PBRM1: variants seen among roughly 807,000 people sequenced by gnomAD.
PBRM1 encodes polybromo 1.
A neutral mutation model predicts 194.5 loss-of-function variants in PBRM1; 27 were observed. That is an observed-to-expected ratio of 0.14 (90% confidence interval 0.10 to 0.19). PBRM1 has a LOEUF of 0.19. PBRM1 is among the 10% of genes least tolerant of loss of function. The pLI is 1.00. For synonymous variants in PBRM1, 655 were observed against 693.2 expected, an observed-to-expected ratio of 0.94 and a Z score of 0.87; for missense variants, 1,466 against 2,077.2, an observed-to-expected ratio of 0.71 and a Z score of 5.72.
In PBRM1 at chr3:52,678,564, G is replaced by A. The variant is rs2154058091; in HGVS notation, c.172C>T (p.Arg58Ter). Residue 58 changes from arginine to a stop codon, truncating the protein, a stop_gained, in exon 2 of 30, where the codon CGA becomes TGA. Transcript: ENST00000296302. LOFTEE classifies it high-confidence loss of function. ...CTGCCCTGTTCATCCTTATAGTCTC[G>A]GATGGTATTATAGAGTTCATGGCAC... The A allele has an allele frequency of 6.2e-7, 1 of 1,613,122 alleles. No homozygotes were observed. The highest frequency in any genetic ancestry group is 8.5e-7 in the Non-Finnish European group (1 of 1,179,320).
At chr3:52,627,608 A>G (rs1286428410) in intron 12 of PBRM1, among the ~76,000 whole-genome samples, 1 of 152,202 alleles carries the variant, frequency 6.6e-6, no homozygotes, top group East Asian at 1.9e-4. Context: ...CCAGCAGAGC[A>G]TTTATGACTA....
intron 2 of PBRM1, 102 bp downstream of exon 3, chr3:52,678,398 T>G: frequency 1.4e-6 from 1 of 712,522 alleles, no homozygotes. Flanking sequence ...CAGTATCATT[T>G]AAGCCATTCC....
intron 11 of PBRM1, among the ~76,000 whole-genome samples, chr3:52,630,864 A>G (rs537545437): frequency 1.3e-5 from 2 of 152,354 alleles, no homozygotes; most frequent in South Asian, 4.1e-4. Context: ...TGAGCTGGCT[A>G]AGAATTTGTC....
chr3:52,614,516 C>T (rs776316701), intron 15 of PBRM1, among the ~76,000 whole-genome samples: 13 of 149,534 alleles, frequency 8.7e-5, no homozygotes, highest in Non-Finnish European at 1.5e-4. Context: ...ACAGAAATCT[C>T]TTATCTAATG....
intron 16 of PBRM1, among the ~76,000 whole-genome samples, chr3:52,607,106 G>A (rs17052329): frequency 0.029 from 4,445 of 152,136 alleles, 225 homozygotes; most frequent in African/African-American, 0.1. Context: ...ATATTTCTGG[G>A]ATGCCTAGCT....
At chr3:52,654,539 A>G (rs913337208) in intron 5 of PBRM1, among the ~76,000 whole-genome samples, 1 of 152,150 alleles carries the variant, frequency 6.6e-6, no homozygotes, top group African/African-American at 2.4e-5. Flanking sequence ...TTCAGCTGTC[A>G]ATCCTTGTTG....
intron 16 of PBRM1, among the ~76,000 whole-genome samples, chr3:52,604,913 C>T (rs886100009): frequency 4.0e-5 from 6 of 151,322 alleles, no homozygotes; most frequent in Non-Finnish European, 5.9e-5. Context: ...AAGATCGCGC[C>T]GCTGCACTCT....
chr3:52,663,126 G>A (rs1253424279), intron 3 of PBRM1, among the ~76,000 whole-genome samples: 1 of 152,136 alleles, frequency 6.6e-6, no homozygotes, highest in African/African-American at 2.4e-5. Context: ...AGGAAGTAAG[G>A]ATGTTCACAA....
In PBRM1 at chr3:52,624,959, A is replaced by G. The variant is rs2095399961; in HGVS notation, c.1541+2314T>C. ...GAGTGTTCCTGGGAAAGCAGAAACA[A>G]ACATTACATGTAAAGAGAAACAAAA... On this transcript the variant is annotated intron_variant, in intron 13 of 29. Transcript: ENST00000296302. 3 of 1,534,546 alleles carry G rather than the reference A, an allele frequency of 2.0e-6. No homozygotes were observed. Among genetic ancestry groups the G allele is most frequent in the Non-Finnish European group, 2.6e-6 (3 of 1,132,482 alleles).
At chr3:52,555,677 A>G (rs906690220) in intron 26 of PBRM1, among the ~76,000 whole-genome samples, 1 of 152,204 alleles carries the variant, frequency 6.6e-6, no homozygotes, top group Admixed American at 6.5e-5. Context: ...CCAAGCTCAA[A>G]TGTCCTCATA....
At chr3:52,614,115 G>C (rs964585882) in intron 15 of PBRM1, among the ~76,000 whole-genome samples, 1 of 152,084 alleles carries the variant, frequency 6.6e-6, no homozygotes, top group Admixed American at 6.5e-5. Flanking sequence ...GCTCACACCC[G>C]TAATCCCAGC....
At chr3:52,554,574 GAC>G (rs2081809584) in intron 27 of PBRM1, 148 bp downstream of exon 29, 2 of 641,268 alleles carry the variant, frequency 3.1e-6, no homozygotes, top group Non-Finnish European at 5.2e-6. Context: ...GAATGCACAA[GAC>G]ATGCCCTGCT....
chr3:52,553,075 T>C (rs925906546), intron 27 of PBRM1, among the ~76,000 whole-genome samples: 9 of 152,182 alleles, frequency 5.9e-5, no homozygotes, highest in Admixed American at 4.6e-4. Flanking sequence ...CAAAGCATCA[T>C]TTGGTACCCT....
At chr3:52,596,846 A>G (rs1451186625) in intron 17 of PBRM1, among the ~76,000 whole-genome samples, 1 of 152,128 alleles carries the variant, frequency 6.6e-6, no homozygotes, top group Non-Finnish European at 1.5e-5. Context: ...GGTGTCTCAC[A>G]TGTCATGTGC....
intron 10 of PBRM1, among the ~76,000 whole-genome samples, chr3:52,635,428 T>C (rs2095772130): frequency 2.6e-5 from 4 of 151,994 alleles, no homozygotes; most frequent in African/African-American, 9.7e-5. Context: ...TAGCTGGGCA[T>C]GGTGGCATGC....
At chr3:52,650,791 A>AT (rs1480570295) in intron 6 of PBRM1, among the ~76,000 whole-genome samples, 1 of 152,244 alleles carries the variant, frequency 6.6e-6, no homozygotes, top group Non-Finnish European at 1.5e-5. Context: ...GACATAGCTG[A>AT]TTAAGTAGTA....
intron 4 of PBRM1, among the ~76,000 whole-genome samples, chr3:52,659,169 C>T (rs923464189): frequency 1.3e-5 from 2 of 152,160 alleles, no homozygotes; most frequent in African/African-American, 2.4e-5. Flanking sequence ...CTGGTTTATA[C>T]CTAGCTTAGT....
At chr3:52,652,177 A>G (rs2096514507) in intron 5 of PBRM1, among the ~76,000 whole-genome samples, 1 of 152,046 alleles carries the variant, frequency 6.6e-6, no homozygotes, top group African/African-American at 2.4e-5. Flanking sequence ...TGAGGTCAGG[A>G]GTTCAAGACC....
chr3:52,566,230 G>GT (rs1304092135), intron 22 of PBRM1, among the ~76,000 whole-genome samples: 1 of 151,982 alleles, frequency 6.6e-6, no homozygotes, highest in Non-Finnish European at 1.5e-5. Context: ...TGGAACCCTT[G>GT]TATCTTGGTG....
Sources: allele counts gnomAD v4.1 joint callset (sites outside exome capture counted in the v4.1 genomes callset), GRCh38; gene constraint gnomAD v4.1.1; transcripts MANE v1.5; gene names NCBI Gene and HGNC (gene_info 2026-07-23, HGNC 2026-07-21).